ITFG1: variants seen among roughly 807,000 people sequenced by gnomAD.
ITFG1 encodes integrin alpha FG-GAP repeat containing 1, also known as T-cell immunomodulatory protein.
In ITFG1, 34 loss-of-function variants were observed where a neutral mutation model predicts 81.8. The observed-to-expected ratio is 0.42, with a 90% CI of 0.32 to 0.55. ITFG1 has a LOEUF of 0.55. Among genes scored for constraint, ITFG1 ranks in the 20% least tolerant of loss-of-function variants. The pLI, the probability that ITFG1 is intolerant of heterozygous loss-of-function variation, is 0.17. For missense variants in ITFG1, 672 were observed against 755.4 expected, an observed-to-expected ratio of 0.89 and a Z score of 1.29; for synonymous variants, 285 against 270.6, an observed-to-expected ratio of 1.05 and a Z score of -0.52.
At chr16:47,236,431 C>T (rs1441842671) in intron 13 of ITFG1, among the ~76,000 whole-genome samples, 3 of 147,506 alleles carry the variant, frequency 2.0e-5, no homozygotes, top group African/African-American at 5.1e-5. Flanking sequence ...GCCGAGATCG[C>T]GCCACTGCAC....
chr16:47,178,384 C>A (rs1006163450), intron 14 of ITFG1, among the ~76,000 whole-genome samples: 6 of 152,100 alleles, frequency 3.9e-5, no homozygotes, highest in Admixed American at 3.9e-4. Context: ...TTAAACAGTC[C>A]TACTTAGTGC....
chr16:47,264,051 T>C (rs941408856), intron 10 of ITFG1, among the ~76,000 whole-genome samples: 2 of 152,196 alleles, frequency 1.3e-5, no homozygotes, highest in African/African-American at 2.4e-5. Context: ...CTATGTGTTC[T>C]TGGCAATTAT....
chr16:47,296,251 T>C (rs368472109), intron 10 of ITFG1, among the ~76,000 whole-genome samples: 122 of 152,024 alleles, frequency 8.0e-4, no homozygotes, highest in African/African-American at 2.6e-3. Context: ...TTTTCTTTTT[T>C]TTTTAATGTA....
At chr16:47,422,764 C>T (rs1968967494) in intron 6 of ITFG1, among the ~76,000 whole-genome samples, 1 of 152,070 alleles carries the variant, frequency 6.6e-6, no homozygotes, top group East Asian at 1.9e-4. Flanking sequence ...TCTAGATTTT[C>T]CAGTTTTTTT....
At chr16:47,355,960 A>C (rs574864245) in intron 8 of ITFG1, among the ~76,000 whole-genome samples, 1 of 152,216 alleles carries the variant, frequency 6.6e-6, no homozygotes, top group Non-Finnish European at 1.5e-5. Context: ...AGCAAACAGC[A>C]TATATACTAG....
intron 10 of ITFG1, among the ~76,000 whole-genome samples, chr16:47,303,525 G>C (rs1485730871): frequency 6.6e-6 from 1 of 152,134 alleles, no homozygotes; most frequent in African/African-American, 2.4e-5. Context: ...GTGAGGATCC[G>C]GAAAGATTTG....
chr16:47,245,514 A>T (rs573034274), intron 12 of ITFG1, among the ~76,000 whole-genome samples: 1 of 151,746 alleles, frequency 6.6e-6, no homozygotes, highest in Non-Finnish European at 1.5e-5. Context: ...TCATACCCCA[A>T]TTTTTTTTCC....
intron 10 of ITFG1, among the ~76,000 whole-genome samples, chr16:47,310,981 T>C (rs1356272413): frequency 2.0e-5 from 3 of 152,126 alleles, no homozygotes; most frequent in African/African-American, 7.2e-5. Context: ...TTAAGTTTTA[T>C]TGAGTGAAAT....
chr16:47,420,045 G>T (rs1305507424), intron 6 of ITFG1, among the ~76,000 whole-genome samples: 2 of 151,070 alleles, frequency 1.3e-5, no homozygotes, highest in African/African-American at 4.9e-5. Context: ...CAATCCCAAA[G>T]TGCTGAGATT....
At chr16:47,170,381 T>G (rs187139548) in intron 14 of ITFG1, among the ~76,000 whole-genome samples, 1 of 152,272 alleles carries the variant, frequency 6.6e-6, no homozygotes, top group East Asian at 1.9e-4. Flanking sequence ...AGGTTGACAT[T>G]GTCTATTTCC....
chr16:47,410,113 C>T (rs909410139), intron 6 of ITFG1, among the ~76,000 whole-genome samples: 2 of 151,920 alleles, frequency 1.3e-5, no homozygotes, highest in Non-Finnish European at 2.9e-5. Context: ...GTCTCTACCA[C>T]AAAATAAAAA....
At chr16:47,446,172 C>G (rs1437223646) in intron 5 of ITFG1, among the ~76,000 whole-genome samples, 2 of 152,200 alleles carry the variant, frequency 1.3e-5, no homozygotes, top group Non-Finnish European at 2.9e-5. Flanking sequence ...ATTTCCCTAT[C>G]CAACTCTGAG....
At chr16:47,388,282 G>A (rs1227579126) in intron 6 of ITFG1, among the ~76,000 whole-genome samples, 1 of 152,088 alleles carries the variant, frequency 6.6e-6, no homozygotes, top group Non-Finnish European at 1.5e-5. Context: ...AGAAAAATTT[G>A]AAGAAATAAT....
chr16:47,198,844 C>T (rs1441373113), intron 14 of ITFG1, among the ~76,000 whole-genome samples: 3 of 152,036 alleles, frequency 2.0e-5, no homozygotes, highest in Admixed American at 1.3e-4. Flanking sequence ...TTTTGTACAC[C>T]TGAACAATGT....
At chr16:47,336,073 C>A (rs182042880) in intron 8 of ITFG1, among the ~76,000 whole-genome samples, 2 of 152,218 alleles carry the variant, frequency 1.3e-5, no homozygotes, top group Admixed American at 6.5e-5. Context: ...TATGAGTGAA[C>A]CTTAGATGCT....
At chr16:47,215,463 A>T (rs1220751521) in intron 14 of ITFG1, among the ~76,000 whole-genome samples, 1 of 152,234 alleles carries the variant, frequency 6.6e-6, no homozygotes. Context: ...ATATTTAGTA[A>T]ACAAAAATGC....
chr16:47,333,736 A>G lies in ITFG1; in HGVS notation c.803-19913T>C, dbSNP rs537482265. 4.3e-4 allele frequency among the ~76,000 whole-genome samples: 66 copies of G among 152,342 alleles called. 1 individual carries two copies. The South Asian group carries it at 7.0e-3, about 16-fold the overall frequency. On this transcript the variant is annotated intron_variant, in intron 8 of 17. Coordinates refer to ENST00000320640, the MANE Select transcript of ITFG1 (RefSeq NM_030790.5). ...CCCTATGGTCAGTTTTCTAATCCAC[A>G]AAAGAAGCAGAGTGGACATAAGACC...
At chr16:47,338,644 C>A (rs911548400) in intron 8 of ITFG1, among the ~76,000 whole-genome samples, 2 of 149,156 alleles carry the variant, frequency 1.3e-5, no homozygotes, top group Non-Finnish European at 3.0e-5. Context: ...ACTTACCAGA[C>A]AAAAACTTTA....
intron 12 of ITFG1, among the ~76,000 whole-genome samples, chr16:47,246,795 T>C (rs1966006958): frequency 1.3e-5 from 2 of 152,306 alleles, no homozygotes; most frequent in South Asian, 4.1e-4. Context: ...TCAAATCCTC[T>C]GTGACCCACC....
Sources: allele counts gnomAD v4.1 joint callset (sites outside exome capture counted in the v4.1 genomes callset), GRCh38; gene constraint gnomAD v4.1.1; transcripts MANE v1.5; gene names NCBI Gene and HGNC (gene_info 2026-07-23, HGNC 2026-07-21).